NOP14: variants seen among roughly 807,000 people sequenced by gnomAD.
NOP14 encodes nucleolar protein 14.
Under a neutral mutation model 101.6 loss-of-function variants are expected in NOP14, and 57 were observed. The ratio of observed to expected loss-of-function variants is 0.56; its 90% CI spans 0.45 to 0.70. The LOEUF (loss-of-function observed/expected upper bound fraction) is 0.70. NOP14 is among the 30% of genes least tolerant of loss of function. The pLI, the probability that NOP14 is intolerant of heterozygous loss-of-function variation, is 0.00. For synonymous variants in NOP14, 428 were observed against 424.0 expected (o/e 1.01, Z -0.12); for missense variants, 1,134 against 1,075.5 (o/e 1.05, Z -0.76).
intron 3 of NOP14, among the ~76,000 whole-genome samples, chr4:2,956,006 TG>T (rs1039728282): frequency 6.6e-6 from 1 of 152,240 alleles, no homozygotes; most frequent in Non-Finnish European, 1.5e-5. Context: ...ATGCTGGAAA[TG>T]GGACCTACTT....
chr4:2,938,662 CACTT>C lies in NOP14; in HGVS notation c.*165_*168del, dbSNP rs1275701710. ...TTGGGACTACAGGTGCGTGCCACCACACTTGGCTAATTTTTATGTTTTTTTGGTA... is the reference window on the plus strand; with the variant it reads ...TTGGGACTACAGGTGCGTGCCACCACGGCTAATTTTTATGTTTTTTTGGTA... On this transcript the variant is annotated 3_prime_UTR_variant, in exon 18 of 18. Coordinates refer to ENST00000416614, the MANE Select transcript of NOP14 (RefSeq NM_001291978.2). 2.7e-5 allele frequency: 16 copies of C among 602,434 alleles called. No homozygotes were observed. The highest frequency in any genetic ancestry group is 1.0e-4 in the South Asian group (5 of 48,510). The allele number at this position is 602,434 out of a possible 1,614,324, so 37.3% of individuals were successfully genotyped here. A position where few individuals can be genotyped will look rare whatever the true frequency, so the allele number is the denominator to read the frequency against.
In NOP14 at chr4:2,954,553, A is replaced by C; in HGVS notation, c.483T>G (p.Thr161=). 1 of 1,614,050 alleles carries C rather than the reference A, an allele frequency of 6.2e-7. No individual in the cohort carries two copies. Among genetic ancestry groups the C allele is most frequent in the Non-Finnish European group, 8.5e-7 (1 of 1,179,964 alleles). ...CACCGCCTCCTCCAAAGTGGGCAGC[A>C]GTCAGCTCAGCTGGGGGCAAAAGGC... The part of the protein sequence containing the change: ...EDRGTLSAEL[T]AAHFGGGGGL... The change falls in exon 4 of 18, where the codon ACT becomes ACG. Residue 161 remains threonine, a synonymous_variant. Transcript: ENST00000416614.
At chr4:2,953,215 A>G (rs914280674) in intron 5 of NOP14, among the ~76,000 whole-genome samples, 5 of 152,266 alleles carry the variant, frequency 3.3e-5, no homozygotes, top group Non-Finnish European at 7.3e-5. Flanking sequence ...GTATCAACAG[A>G]CAAACATGTC....
chr4:2,950,601 C>CGGTGG, intron 7 of NOP14: 4 of 243,194 alleles, frequency 1.6e-5, no homozygotes, highest in South Asian at 1.4e-4. Flanking sequence ...GTGTGGATCT[C>CGGTGG]TTCTGCTTGA....
At chr4:2,948,542 C>T (rs922349141) in intron 8 of NOP14, 134 bp from the exon 9 acceptor site, 5 of 609,710 alleles carry the variant, frequency 8.2e-6, no homozygotes, top group Non-Finnish European at 1.2e-5. Context: ...GAAACTTCCG[C>T]CTCCTGGGTT....
rs868726504 is a variant in NOP14 at position 2,961,117 on chromosome 4, T to C, written c.195+2008A>G. Among the ~76,000 whole-genome samples the C allele has an allele frequency of 3.6e-3, 286 of 78,954 alleles. 8 individuals are homozygous for C. The highest frequency in any genetic ancestry group is 0.015 in the African/African-American group (206 of 13,782). The allele number at this position is 78,954 out of a possible 152,430, so 51.8% of individuals were successfully genotyped here. ...AATATATTAATATTTTAATAATATA[T>C]TAATATTATAATAATATATTAATAT... On this transcript the variant is annotated intron_variant, in intron 1 of 17. Transcript: ENST00000416614.
At chr4:2,940,958 C>G (rs55975608) in intron 15 of NOP14, 33,131 of 152,492 alleles carry the variant, frequency 0.22, 4,176 homozygotes, top group East Asian at 0.4. Context: ...GCACTGATGC[C>G]TTCGGCTCCA....
intron 14 of NOP14, 46 bp downstream of exon 14, chr4:2,942,146 G>C (rs1237027547): frequency 1.3e-6 from 2 of 1,572,526 alleles, no homozygotes; most frequent in East Asian, 2.3e-5. Context: ...CCTGCCTCTG[G>C]GGACGCTGTA....
intron 11 of NOP14, among the ~76,000 whole-genome samples, chr4:2,945,431 G>A (rs1421060307): frequency 6.6e-6 from 1 of 152,186 alleles, no homozygotes; most frequent in Non-Finnish European, 1.5e-5. Context: ...AGGACACTGA[G>A]GCCCATGAAG....
In NOP14 at chr4:2,938,821, A is replaced by G; in HGVS notation, c.*10T>C. The G allele has an allele frequency of 6.2e-7, 1 of 1,605,122 alleles. No homozygotes were observed. The highest frequency in any genetic ancestry group is 8.5e-7 in the Non-Finnish European group (1 of 1,172,294). On this transcript the variant is annotated 3_prime_UTR_variant, in exon 18 of 18. Coordinates refer to ENST00000416614, the MANE Select transcript of NOP14 (RefSeq NM_001291978.2). Reference sequence around the variant, plus strand: ...ATGTCCAGTTCCTTGCCTTATTTATAAAATGTAATTTATTTTTTGAACTTT... The same window carrying G: ...ATGTCCAGTTCCTTGCCTTATTTATGAAATGTAATTTATTTTTTGAACTTT...
At chr4:2,941,772 T>C (rs1224571728) in intron 14 of NOP14, 43 bp from the exon 15 acceptor site, 1 of 1,591,750 alleles carries the variant, frequency 6.3e-7, no homozygotes, top group African/African-American at 1.3e-5. Context: ...TTGTTCTGTT[T>C]GTCACTGACA....
chr4:2,963,331 C>G lies in NOP14; in HGVS notation c.-12G>C, dbSNP rs1233208475. 6.4e-7 allele frequency: 1 copy of G among 1,561,822 alleles called. No individual in the cohort carries two copies. Among genetic ancestry groups the G allele is most frequent in the Non-Finnish European group, 8.6e-7 (1 of 1,159,248 alleles). Reference sequence around the variant, plus strand: ...TTCGCCTTCGCCATGGCGCGCGCCCCGCTGCGCCCAAGGGCCCGAGACCCG... The same window carrying G: ...TTCGCCTTCGCCATGGCGCGCGCCCGGCTGCGCCCAAGGGCCCGAGACCCG... On this transcript the variant is annotated 5_prime_UTR_variant, in exon 1 of 18. Coordinates refer to ENST00000416614, the MANE Select transcript of NOP14 (RefSeq NM_001291978.2).
At chr4:2,961,172 TACA>T in intron 1 of NOP14, among the ~76,000 whole-genome samples, 15 of 22,264 alleles carry the variant, frequency 6.7e-4, no homozygotes, top group African/African-American at 3.7e-3. Flanking sequence ...AATATGCTAT[TACA>T]ATAATATATT....
At chr4:2,942,045 T>G (rs1714239754) in intron 14 of NOP14, 147 bp downstream of exon 14, 2 of 740,748 alleles carry the variant, frequency 2.7e-6, no homozygotes, top group Non-Finnish European at 4.5e-6. Context: ...CAAGCCAACA[T>G]GCCTCAGAAA....
intron 4 of NOP14, 62 bp from the exon 5 acceptor site, chr4:2,953,707 C>T (rs1715170894): frequency 6.3e-7 from 1 of 1,590,934 alleles, no homozygotes; most frequent in African/African-American, 1.3e-5. Flanking sequence ...ACCCAGAGGC[C>T]CAATGTCAGT....
Position 2,948,245 on chromosome 4 carries a change from T to G in NOP14, c.1413+33A>C, listed in dbSNP as rs760634574. 7 of 1,568,612 alleles carry G rather than the reference T, an allele frequency of 4.5e-6. No individual in the cohort carries two copies. The Admixed American group carries it at 6.2e-5, about 14-fold the overall frequency. On this transcript the variant is annotated intron_variant, in intron 9 of 17. Transcript: ENST00000416614. ...TTCATATACGGGGCTATGCTGACAC[T>G]CCCAGCGCTCCACACACACTCAATC...
chr4:2,958,828 G>T (rs775102223), intron 1 of NOP14, among the ~76,000 whole-genome samples: 2 of 152,186 alleles, frequency 1.3e-5, no homozygotes, highest in Non-Finnish European at 2.9e-5. Flanking sequence ...GGTCGGAGAT[G>T]AACTTAAAGG....
chr4:2,939,055 G>A (rs1713918989), intron 17 of NOP14, 125 bp from the exon 18 acceptor site: 1 of 1,498,036 alleles, frequency 6.7e-7, no homozygotes, highest in Admixed American at 1.7e-5. Context: ...AGGGGGAAGT[G>A]AACCTGCCTG....
chr4:2,956,493 A>C (rs1715350983), intron 3 of NOP14, among the ~76,000 whole-genome samples, 177 bp downstream of exon 3: 2 of 152,232 alleles, frequency 1.3e-5, no homozygotes, highest in South Asian at 2.1e-4. Context: ...GAAAACTTAA[A>C]AAAAAAACAA....
Sources: gnomAD v4.1 joint callset for allele counts (sites outside exome capture counted in the v4.1 genomes callset) on GRCh38, gnomAD v4.1.1 for gene constraint, MANE v1.5 for transcripts, NCBI Gene and HGNC (gene_info 2026-07-23, HGNC 2026-07-21) for gene names.